The following TSC22D1 variants were observed in gnomAD, a reference collection of about 807,000 sequenced individuals.
TSC22D1 encodes TSC22 domain family member 1, also known as TSC22 domain family protein 1.
A neutral mutation model predicts 74.2 loss-of-function variants in TSC22D1; 9 were observed. That is an observed-to-expected ratio of 0.12 (90% CI 0.07 to 0.21). The LOEUF (loss-of-function observed/expected upper bound fraction) is 0.21, where lower values mean the gene tolerates loss of function less well. TSC22D1 is among the 10% of genes least tolerant of loss of function. The pLI is 1.00. For synonymous variants in TSC22D1, 586 were observed against 492.5 expected (o/e 1.19, Z -2.51); for missense variants, 1,427 against 1,304.7 (o/e 1.09, Z -1.44).
chr13:44,512,807 G>A (rs1050399754), intron 1 of TSC22D1, among the ~76,000 whole-genome samples: 11 of 151,942 alleles, frequency 7.2e-5, no homozygotes, highest in South Asian at 2.1e-4. Flanking sequence ...GCGCCATCAC[G>A]CCCAGCTAAT....
rs115856144 is a variant in TSC22D1 at position 44,575,399 on chromosome 13, T to C, written c.676A>G (p.Ile226Val). Residue 226 changes from isoleucine (I) to valine (V), a missense_variant, in exon 1 of 3, where the codon ATT becomes GTT. Physicochemically the swap from Ile to Val is conservative, Grantham distance 29. Around this residue, in one of 3 missense-constraint regions of TSC22D1, gnomAD observed 1,343 missense variants for 1,191.5 expected, o/e 1.13. Transcript: ENST00000458659. ...HPHHLHHHHQ[I>V]HHGHHLQHGH... ...TGTTGGAGGTGGTGCCCATGATGAA[T>C]CTGATGGTGGTGATGGAGGTGGTGT... 416 of 1,613,796 alleles carry C rather than the reference T, an allele frequency of 2.6e-4. 2 individuals carry two copies. The African/African-American group carries it at 5.2e-3, about 20-fold the overall frequency.
At chr13:44,535,834 T>C (rs1193004339) in intron 1 of TSC22D1, among the ~76,000 whole-genome samples, 1 of 151,948 alleles carries the variant, frequency 6.6e-6, no homozygotes, top group African/African-American at 2.4e-5. Flanking sequence ...GTCTATGTTT[T>C]AAAAATTACT....
intron 1 of TSC22D1, among the ~76,000 whole-genome samples, chr13:44,447,833 CTTTTTTTTTTT>C (rs5803260): frequency 7.7e-6 from 1 of 129,470 alleles, no homozygotes; most frequent in African/African-American, 2.9e-5. Context: ...AATGCCTTTT[CTTTTTTTTTTT>C]TTTTTTTTTA....
chr13:44,444,047 G>A (rs1875413107), intron 1 of TSC22D1, among the ~76,000 whole-genome samples: 1 of 151,958 alleles, frequency 6.6e-6, no homozygotes, highest in African/African-American at 2.4e-5. Context: ...AGCACTTTGG[G>A]AGGCCCAGGT....
chr13:44,561,924 C>A (rs1181822738), intron 1 of TSC22D1, among the ~76,000 whole-genome samples: 1 of 152,146 alleles, frequency 6.6e-6, no homozygotes, highest in Admixed American at 6.5e-5. Flanking sequence ...ACTGCTGGCT[C>A]TCCTTAAGGA....
At chr13:44,515,629 G>C (rs922572704) in intron 1 of TSC22D1, among the ~76,000 whole-genome samples, 1 of 152,004 alleles carries the variant, frequency 6.6e-6, no homozygotes, top group Non-Finnish European at 1.5e-5. Flanking sequence ...ATAGAGACAG[G>C]GTTTTGCCAT....
intron 1 of TSC22D1, chr13:44,437,091 C>T (rs1874758626): frequency 1.0e-6 from 1 of 975,484 alleles, no homozygotes; most frequent in Non-Finnish European, 1.2e-6. Flanking sequence ...GTTTCCACGG[C>T]GGCCTCAAAA....
chr13:44,531,599 ATTCT>A (rs1209126468), intron 1 of TSC22D1, among the ~76,000 whole-genome samples: 1 of 152,154 alleles, frequency 6.6e-6, no homozygotes, highest in Non-Finnish European at 1.5e-5. Context: ...TTTCCCCCAA[ATTCT>A]TTCTAAATCA....
At chr13:44,477,725 C>T (rs2137924101) in intron 1 of TSC22D1, among the ~76,000 whole-genome samples, 1 of 151,692 alleles carries the variant, frequency 6.6e-6, no homozygotes, top group Non-Finnish European at 1.5e-5. Context: ...TCACTGCAAC[C>T]TCCGCCTCCT....
Position 44,574,226 on chromosome 13 carries a change from G to A in TSC22D1, c.1849C>T (p.Pro617Ser), listed in dbSNP as rs990296473. Reference sequence around the variant, plus strand: ...TGGGGTGGTGGTGCCCCTGGAAGGGGAGTTTGCACTGGAGGAGCCGCCTGA... The same window carrying A: ...TGGGGTGGTGGTGCCCCTGGAAGGGAAGTTTGCACTGGAGGAGCCGCCTGA... ...YSQAAPPVQTPLPGAPPPQQL... is the reference protein window; with the variant it reads ...YSQAAPPVQTSLPGAPPPQQL... Residue 617 changes from proline to serine, a missense_variant, in exon 1 of 3, where the codon CCC (proline) becomes TCC (serine). By Grantham distance (74) the Pro-to-Ser change is moderately conservative. Coordinates refer to ENST00000458659, the MANE Select transcript of TSC22D1 (RefSeq NM_183422.4). The A allele has an allele frequency of 1.2e-6, 2 of 1,614,250 alleles. No homozygotes were observed. Among genetic ancestry groups the A allele is most frequent in the Non-Finnish European group, 1.7e-6 (2 of 1,180,044 alleles).
intron 1 of TSC22D1, among the ~76,000 whole-genome samples, chr13:44,557,012 G>A (rs1002874779): frequency 1.3e-5 from 2 of 151,676 alleles, no homozygotes; most frequent in African/African-American, 4.8e-5. Context: ...GCATGGTGGT[G>A]CATGCCTGTA....
At chr13:44,456,111 T>TA (rs1255683325) in intron 1 of TSC22D1, among the ~76,000 whole-genome samples, 9 of 152,290 alleles carry the variant, frequency 5.9e-5, no homozygotes, top group African/African-American at 2.2e-4. Flanking sequence ...CTCGCTGACT[T>TA]AAAGAATAAA....
chr13:44,498,485 C>T (rs1188336753), intron 1 of TSC22D1, among the ~76,000 whole-genome samples: 1 of 151,840 alleles, frequency 6.6e-6, no homozygotes, highest in African/African-American at 2.4e-5. Context: ...TCACAGCATA[C>T]CAACCATTTA....
At chr13:44,528,012 G>A (rs1880634850) in intron 1 of TSC22D1, among the ~76,000 whole-genome samples, 1 of 152,204 alleles carries the variant, frequency 6.6e-6, no homozygotes, top group East Asian at 1.9e-4. Flanking sequence ...TTCTTAATAT[G>A]TATGTGCCTA....
At chr13:44,533,335 G>T (rs972717150) in intron 1 of TSC22D1, among the ~76,000 whole-genome samples, 3 of 151,656 alleles carry the variant, frequency 2.0e-5, no homozygotes, top group Non-Finnish European at 4.4e-5. Context: ...GGTGGTCCGT[G>T]CCTGTAATCC....
chr13:44,444,319 GAAAAAGA>G (rs1175600880), intron 1 of TSC22D1, among the ~76,000 whole-genome samples: 174 of 88,538 alleles, frequency 2.0e-3, no homozygotes, highest in African/African-American at 7.0e-3. Context: ...GAAAAGAAAA[GAAAAAGA>G]AAAAAAAACA....
At chr13:44,467,236 T>C (rs1243083382) in intron 1 of TSC22D1, among the ~76,000 whole-genome samples, 1 of 152,016 alleles carries the variant, frequency 6.6e-6, no homozygotes, top group African/African-American at 2.4e-5. Flanking sequence ...TCTCACCATA[T>C]ATAAAAATTA....
At chr13:44,484,241 T>C (rs918093437) in intron 1 of TSC22D1, among the ~76,000 whole-genome samples, 1 of 152,202 alleles carries the variant, frequency 6.6e-6, no homozygotes, top group African/African-American at 2.4e-5. Flanking sequence ...TTTGAAATTA[T>C]GCCTACAGTT....
chr13:44,532,634 C>A (rs9533897), intron 1 of TSC22D1, among the ~76,000 whole-genome samples: 1 of 152,118 alleles, frequency 6.6e-6, no homozygotes, highest in South Asian at 2.1e-4. Context: ...CCACCATGCC[C>A]GGCTATTTTT....
Sources: allele counts gnomAD v4.1 joint callset (sites outside exome capture counted in the v4.1 genomes callset), GRCh38; gene constraint gnomAD v4.1.1; regional missense constraint gnomAD v4.1.1; transcripts MANE v1.5; gene names NCBI Gene and HGNC (gene_info 2026-07-23, HGNC 2026-07-21).